The following GPC5 variants were observed in gnomAD, a reference collection of about 807,000 sequenced individuals.
The protein encoded by GPC5 is glypican-5.
In GPC5, 47 loss-of-function variants were observed where a neutral mutation model predicts 53.9. The observed-to-expected ratio is 0.87, with a 90% CI of 0.69 to 1.11. The LOEUF (loss-of-function observed/expected upper bound fraction) is 1.11, where lower values mean the gene tolerates loss of function less well. GPC5 is among the 50% of genes most tolerant of loss of function. The pLI, the probability that GPC5 is intolerant of heterozygous loss-of-function variation, is 0.00. For missense variants in GPC5, 748 were observed against 713.1 expected (o/e 1.05, Z -0.56); for synonymous variants, 286 against 263.3 (o/e 1.09, Z -0.84).
chr13:92,519,707 C>T (rs1031569680), intron 7 of GPC5, among the ~76,000 whole-genome samples: 5 of 152,118 alleles, frequency 3.3e-5, no homozygotes, highest in African/African-American at 9.6e-5. Context: ...CCTAACAACA[C>T]AATTAAAAGA....
At chr13:91,669,197 A>C (rs958580020) in intron 2 of GPC5, among the ~76,000 whole-genome samples, 1 of 152,164 alleles carries the variant, frequency 6.6e-6, no homozygotes, top group East Asian at 1.9e-4. Flanking sequence ...TGCCCCCCCG[A>C]CATTAACTGA....
chr13:91,614,606 C>T (rs972220507), intron 2 of GPC5, among the ~76,000 whole-genome samples: 2 of 152,160 alleles, frequency 1.3e-5, no homozygotes, highest in Non-Finnish European at 2.9e-5. Flanking sequence ...TCTGGGATTA[C>T]AGGCATGAGC....
chr13:92,047,106 C>T (rs376420020), intron 6 of GPC5, among the ~76,000 whole-genome samples: 15 of 152,186 alleles, frequency 9.9e-5, no homozygotes, highest in African/African-American at 3.4e-4. Context: ...TTTCCTCTTG[C>T]CTCTTACCTT....
chr13:92,302,717 T>C (rs546522555), intron 7 of GPC5, among the ~76,000 whole-genome samples: 51 of 152,342 alleles, frequency 3.3e-4, no homozygotes, highest in African/African-American at 1.2e-3. Context: ...ATTTATGCTG[T>C]GTAACATCAC....
intron 7 of GPC5, among the ~76,000 whole-genome samples, chr13:92,221,539 G>A (rs1193826141): frequency 6.6e-6 from 1 of 152,054 alleles, no homozygotes; most frequent in Non-Finnish European, 1.5e-5. Flanking sequence ...TCCCACATGG[G>A]CCACTTCCTC....
intron 2 of GPC5, among the ~76,000 whole-genome samples, chr13:91,562,085 G>C (rs867217996): frequency 2.0e-5 from 3 of 150,510 alleles, no homozygotes; most frequent in Middle Eastern, 6.8e-3. Flanking sequence ...GGAAGCTCTG[G>C]CATCTCAAAC....
At chr13:92,837,439 T>G (rs1400442428) in intron 7 of GPC5, among the ~76,000 whole-genome samples, 1 of 152,062 alleles carries the variant, frequency 6.6e-6, no homozygotes, top group Admixed American at 6.6e-5. Context: ...ATGAGTTGAT[T>G]TATATAGCAG....
At chr13:92,182,353 T>A (rs1384622561) in intron 7 of GPC5, among the ~76,000 whole-genome samples, 1 of 152,166 alleles carries the variant, frequency 6.6e-6, no homozygotes, top group Admixed American at 6.5e-5. Flanking sequence ...AAAAACAATG[T>A]TCAAAATATA....
chr13:92,128,933 A>G (rs1329042014), intron 6 of GPC5, among the ~76,000 whole-genome samples: 1 of 152,174 alleles, frequency 6.6e-6, no homozygotes, highest in Non-Finnish European at 1.5e-5. Flanking sequence ...ACTGCACTCC[A>G]GCCTGGGTGA....
intron 5 of GPC5, among the ~76,000 whole-genome samples, chr13:91,787,857 A>G (rs1038430964): frequency 1.1e-4 from 16 of 152,314 alleles, no homozygotes; most frequent in African/African-American, 3.8e-4. Context: ...GTAATGATAA[A>G]TTAAATGACA....
chr13:91,586,527 T>G (rs1174866851), intron 2 of GPC5, among the ~76,000 whole-genome samples: 2 of 32,510 alleles, frequency 6.2e-5, no homozygotes, highest in African/African-American at 3.2e-4. Context: ...TATATATATA[T>G]ATATATATAT....
chr13:91,415,775 A>G (rs903193330), intron 1 of GPC5, among the ~76,000 whole-genome samples: 1 of 152,052 alleles, frequency 6.6e-6, no homozygotes, highest in African/African-American at 2.4e-5. Context: ...TAAGGAGACT[A>G]TAAACTATCT....
intron 7 of GPC5, among the ~76,000 whole-genome samples, chr13:92,589,029 AG>A (rs2139064533): frequency 6.6e-6 from 1 of 152,304 alleles, no homozygotes; most frequent in African/African-American, 2.4e-5. Flanking sequence ...TTATGTCTCA[AG>A]GGAAGAAAAA....
intron 7 of GPC5, among the ~76,000 whole-genome samples, chr13:92,462,658 G>A (rs1480477288): frequency 6.6e-6 from 1 of 151,782 alleles, no homozygotes; most frequent in Non-Finnish European, 1.5e-5. Context: ...AAATTTAGAT[G>A]GTATTTAAAG....
chr13:92,535,578 G>A (rs1384041611), intron 7 of GPC5, among the ~76,000 whole-genome samples: 1 of 151,776 alleles, frequency 6.6e-6, no homozygotes, highest in Non-Finnish European at 1.5e-5. Context: ...GACACTTTTT[G>A]AGAGGCCTCA....
rs567478017 is a variant in GPC5 at position 92,547,819 on chromosome 13, C to CTTTTT, written c.1562-318443_1562-318439dup. Among the ~76,000 whole-genome samples, 304 of 100,442 alleles carry CTTTTT rather than the reference C, an allele frequency of 3.0e-3. 20 individuals carry two copies. The highest frequency in any genetic ancestry group is 9.4e-3 in the African/African-American group (235 of 24,948). 65.9% of individuals were successfully genotyped at this position (100,442 alleles called of 152,430 possible). A position where few individuals can be genotyped will look rare whatever the true frequency, so the allele number is the denominator to read the frequency against. On this transcript the variant is annotated intron_variant, in intron 7 of 7. Coordinates refer to ENST00000377067, the MANE Select transcript of GPC5 (RefSeq NM_004466.6). ...AAGAAAACTTATTATGCCTATTATTCTTTTTTTTTTTTTTTTTTTTTTTTC... is the reference window on the plus strand; with the variant it reads ...AAGAAAACTTATTATGCCTATTATTCTTTTTTTTTTTTTTTTTTTTTTTTTTTTTC...
chr13:91,893,249 G>C (rs2039406565), intron 5 of GPC5, among the ~76,000 whole-genome samples: 1 of 151,946 alleles, frequency 6.6e-6, no homozygotes, highest in Non-Finnish European at 1.5e-5. Flanking sequence ...TGTCTGACCA[G>C]TAAACCATAG....
chr13:92,384,290 A>G (rs1031679625), intron 7 of GPC5, among the ~76,000 whole-genome samples: 2 of 152,152 alleles, frequency 1.3e-5, no homozygotes, highest in African/African-American at 4.8e-5. Flanking sequence ...AATCAATCCC[A>G]TCTTCCTGCT....
intron 7 of GPC5, among the ~76,000 whole-genome samples, chr13:92,169,761 A>G (rs193239815): frequency 1.2e-3 from 185 of 152,232 alleles, no homozygotes; most frequent in Non-Finnish European, 1.6e-3. Flanking sequence ...AAAGGCAAAA[A>G]ATTATTTTAT....
Sources: gnomAD v4.1 joint callset for allele counts (sites outside exome capture counted in the v4.1 genomes callset) on GRCh38, gnomAD v4.1.1 for gene constraint, MANE v1.5 for transcripts, NCBI Gene and HGNC (gene_info 2026-07-23, HGNC 2026-07-21) for gene names.